The following NLGN4X variants were observed in gnomAD, a reference collection of about 807,000 sequenced individuals.
NLGN4X encodes neuroligin-4, X-linked.
In NLGN4X, 3 loss-of-function variants were observed where a neutral mutation model predicts 40.3. The observed-to-expected ratio is 0.07, with a 90% confidence interval of 0.03 to 0.19. The LOEUF is 0.19. NLGN4X is among the 10% of genes least tolerant of loss of function. The pLI, the probability that NLGN4X is intolerant of heterozygous loss-of-function variation, is 1.00. For missense variants in NLGN4X, 382 were observed against 708.3 expected (o/e 0.54, Z 5.23); for synonymous variants, 270 against 306.8 (o/e 0.88, Z 1.25).
intron 2 of NLGN4X, among the ~76,000 whole-genome samples, chrX:6,030,041 C>G (rs1465927172): frequency 9.0e-6 from 1 of 111,017 alleles, no homozygotes; most frequent in Non-Finnish European, 1.9e-5. Flanking sequence ...GATGTCCAAG[C>G]AAATGTCTTT....
intron 3 of NLGN4X, among the ~76,000 whole-genome samples, chrX:5,988,322 G>A (rs1391796391): frequency 8.9e-6 from 1 of 112,099 alleles, no homozygotes; most frequent in Non-Finnish European, 1.9e-5. Flanking sequence ...ACATTGGCGT[G>A]TGCAATAATT....
intron 3 of NLGN4X, among the ~76,000 whole-genome samples, chrX:6,021,976 G>A (rs748178724): frequency 1.6e-4 from 18 of 111,637 alleles, no homozygotes; most frequent in Non-Finnish European, 3.2e-4. Flanking sequence ...TCCTGGGTTT[G>A]AGTGCTCACA....
At chrX:6,131,442 A>T (rs916024320) in intron 2 of NLGN4X, among the ~76,000 whole-genome samples, 1 of 112,117 alleles carries the variant, frequency 8.9e-6, no homozygotes, top group Non-Finnish European at 1.9e-5. Flanking sequence ...AAATTCAGGC[A>T]GTGTGCCAAG....
intron 3 of NLGN4X, among the ~76,000 whole-genome samples, chrX:5,925,134 G>A (rs916509710): frequency 8.9e-6 from 1 of 111,773 alleles, no homozygotes; most frequent in African/African-American, 3.3e-5. Context: ...CATAAGCTTG[G>A]TGAAAATATA....
intron 3 of NLGN4X, among the ~76,000 whole-genome samples, chrX:5,911,809 T>C (rs2032488974): frequency 8.9e-6 from 1 of 111,966 alleles, no homozygotes; most frequent in Non-Finnish European, 1.9e-5. Context: ...ACCAACTCCA[T>C]CTTGCCTTTA....
At chrX:6,172,673 G>T (rs2147778868) in intron 1 of NLGN4X, among the ~76,000 whole-genome samples, 1 of 111,700 alleles carries the variant, frequency 9.0e-6, no homozygotes, top group African/African-American at 3.3e-5. Flanking sequence ...TTTTTAAAAA[G>T]AATTTCTTAT....
intron 3 of NLGN4X, among the ~76,000 whole-genome samples, chrX:6,025,770 G>A (rs1366979287): frequency 9.2e-6 from 1 of 108,888 alleles, no homozygotes; most frequent in Non-Finnish European, 1.9e-5. Context: ...GGGGCGTGGT[G>A]GCAGGCGCCT....
chrX:5,909,030 C>G, intron 4 of NLGN4X, 24 bp downstream of exon 4: 2 of 1,209,311 alleles, frequency 1.7e-6, no homozygotes, highest in South Asian at 3.5e-5. Flanking sequence ...ATTTGCCCGC[C>G]CACCCTGGGG....
chrX:5,942,126 T>C (rs1233491762), intron 3 of NLGN4X, among the ~76,000 whole-genome samples: 1 of 109,831 alleles, frequency 9.1e-6, no homozygotes, highest in African/African-American at 3.3e-5. Context: ...CGAGGTGACA[T>C]GCACCTGTAG....
At chrX:5,981,587 A>C (rs144555866) in intron 3 of NLGN4X, among the ~76,000 whole-genome samples, 7,343 of 109,572 alleles carry the variant, frequency 0.067, 628 homozygotes, top group African/African-American at 0.23. Context: ...TAAAAATAAT[A>C]AATATAAAAG....
intron 2 of NLGN4X, among the ~76,000 whole-genome samples, chrX:6,099,001 A>T (rs2038846010): frequency 8.9e-6 from 1 of 111,737 alleles, no homozygotes. Context: ...CTTTATTGTG[A>T]AGGGGGTCTG....
intron 1 of NLGN4X, among the ~76,000 whole-genome samples, chrX:6,224,997 TATATATATATATATAC>T (rs1345274285): frequency 3.7e-5 from 2 of 53,397 alleles, no homozygotes; most frequent in African/African-American, 7.8e-5. Context: ...TATATATATA[TATATATATATATATAC>T]ACACACACAC....
chrX:6,103,774 T>C (rs975405966), intron 2 of NLGN4X, among the ~76,000 whole-genome samples: 4 of 111,966 alleles, frequency 3.6e-5, no homozygotes, highest in African/African-American at 9.7e-5. Flanking sequence ...CAGTATTTTA[T>C]TTCAGAATGT....
intron 1 of NLGN4X, among the ~76,000 whole-genome samples, chrX:6,225,349 G>T (rs1048498126): frequency 1.8e-5 from 2 of 108,806 alleles, no homozygotes; most frequent in African/African-American, 6.7e-5. Flanking sequence ...CCAACTAAAG[G>T]TATGAAATAA....
intron 3 of NLGN4X, among the ~76,000 whole-genome samples, chrX:6,011,292 G>T (rs2036244775): frequency 9.1e-6 from 1 of 109,557 alleles, no homozygotes; most frequent in Non-Finnish European, 1.9e-5. Flanking sequence ...CATTCATGCT[G>T]GCCAAAAGTA....
rs904098226 is a variant in NLGN4X, at chrX:5,946,025, G to C, written c.626-36786C>G. On this transcript the variant is annotated intron_variant, in intron 3 of 5. Transcript: ENST00000381095. ...AATCTATCACAGCCATATGGAAAAA[G>C]AGGCTTCAAGCTATACTTTGTGCTC... Among the ~76,000 whole-genome samples the C allele has an allele frequency of 1.5e-4, 17 of 111,566 alleles. No homozygotes were observed. The Admixed American group carries it at 1.6e-3, about 11-fold the overall frequency.
intron 3 of NLGN4X, among the ~76,000 whole-genome samples, chrX:5,932,114 C>A (rs1404867253): frequency 2.7e-5 from 3 of 111,366 alleles, no homozygotes; most frequent in African/African-American, 9.8e-5. Context: ...CTTATGGCCA[C>A]TATGGGCTTT....
At chrX:6,209,798 G>T (rs142292479) in intron 1 of NLGN4X, among the ~76,000 whole-genome samples, 2 of 111,960 alleles carry the variant, frequency 1.8e-5, no homozygotes, top group Non-Finnish European at 3.8e-5. Context: ...GCATAAGAAT[G>T]ATAGCCAACT....
At chrX:6,102,177 TGAG>T (rs2038923770) in intron 2 of NLGN4X, among the ~76,000 whole-genome samples, 2 of 111,828 alleles carry the variant, frequency 1.8e-5, no homozygotes, top group African/African-American at 6.5e-5. Context: ...GATAAATGCT[TGAG>T]GAGATGGACA....
Sources: gnomAD v4.1 joint callset for allele counts (sites outside exome capture counted in the v4.1 genomes callset) on GRCh38, gnomAD v4.1.1 for gene constraint, MANE v1.5 for transcripts, NCBI Gene and HGNC (gene_info 2026-07-23, HGNC 2026-07-21) for gene names.